Variants in MYL4 observed in about 807,000 individuals in gnomAD.
MYL4 encodes myosin light chain 4, also known as atrial myosin light chain 1.
In MYL4, 16 loss-of-function variants were observed where a neutral mutation model predicts 21.6. That is an observed-to-expected ratio of 0.74 (90% CI 0.50 to 1.12). The LOEUF (loss-of-function observed/expected upper bound fraction) is 1.12. MYL4 is among the 50% of genes most tolerant of loss of function. MYL4 has a pLI of 0.00. For synonymous variants in MYL4, 82 were observed against 95.7 expected, an observed-to-expected ratio of 0.86 and a Z score of 0.83; for missense variants, 249 against 252.9, an observed-to-expected ratio of 0.98 and a Z score of 0.11.
At chr17:47,225,161 G>T (rs1338148358), downstream of MYL4, among the ~76,000 whole-genome samples, 1 of 152,170 alleles carries the variant, frequency 6.6e-6, no homozygotes, top group Non-Finnish European at 1.5e-5. Flanking sequence ...AGCCAAGGCT[G>T]CCTGCCTGTC....
At chr17:47,194,385 T>A in the MYL4 span, among the ~76,000 whole-genome samples, 1 of 152,360 alleles carries the variant, frequency 6.6e-6, no homozygotes, top group East Asian at 1.9e-4. Flanking sequence ...ATCTTTCACA[T>A]GGAGTTTTAT....
In MYL4 at chr17:47,223,322, G is replaced by A. The variant is rs557956102; in HGVS notation, c.*16-187G>A. ...GCAATGCCCTTCCCTCAGGCCTGGG[G>A]CCTCCTGTACAGGCTCCTGGGAGTG... is the stretch of plus-strand genomic sequence containing the variant. On this transcript the variant is annotated intron_variant, in intron 6 of 6. Coordinates refer to ENST00000393450, the MANE Select transcript of MYL4 (RefSeq NM_002476.2). 1.9e-5 allele frequency: 9 copies of A among 473,980 alleles called. No homozygotes were observed. The East Asian group carries it at 2.8e-4, about 15-fold the overall frequency. 29.4% of individuals were successfully genotyped at this position (473,980 alleles called of 1,614,324 possible).
rs375241929 is a variant in MYL4, at chr17:47,221,774, G to A, written c.406G>A (p.Val136Met). The change falls in exon 4 of 7, where the codon GTG becomes ATG. Residue 136 changes from valine to methionine, a missense_variant. Val to Met is a conservative substitution (Grantham distance 21). Transcript: ENST00000393450. ...NKEQGTYEDF[V>M]EGLRVFDKES... is the part of the protein sequence containing the mutation. The stretch of plus-strand genomic sequence containing the variant: ...GGAGCAGGGCACCTATGAGGACTTC[G>A]TGGAGGGCCTGCGTGTCTTTGACAA... 3.0e-5 allele frequency: 48 copies of A among 1,614,066 alleles called. No individual in the cohort carries two copies. Among genetic ancestry groups the A allele is most frequent in the African/African-American group, 2.4e-4 (18 of 74,938 alleles).
chr17:47,224,292 G>A (rs572941135), downstream of MYL4, among the ~76,000 whole-genome samples: 19 of 152,238 alleles, frequency 1.2e-4, no homozygotes, highest in Admixed American at 2.6e-4. Context: ...CATGGATGGC[G>A]GCAGGCAAAG....
chr17:47,214,533 C>T (rs1329402047), intron 2 of MYL4, among the ~76,000 whole-genome samples: 2 of 152,100 alleles, frequency 1.3e-5, no homozygotes, highest in East Asian at 1.9e-4. Context: ...ATCACCTAAT[C>T]CAACCCCCTC....
rs1284256862 is a variant in MYL4, at chr17:47,218,249, A to T, written c.164-1655A>T. Among the ~76,000 whole-genome samples the T allele has an allele frequency of 3.9e-5, 6 of 152,178 alleles. No homozygotes were observed. In the East Asian group the frequency reaches 1.2e-3, roughly 29 times the overall value. ...AAGCCGAAGAAAGAGTTGGAAGTAA[A>T]GGTCTGGGGAATCTTCTGTGATATG... On this transcript the variant is annotated intron_variant, in intron 2 of 6. Transcript: ENST00000393450.
intron 2 of MYL4, 92 bp downstream of exon 2, chr17:47,213,918 T>G: frequency 7.1e-7 from 1 of 1,408,282 alleles, no homozygotes; most frequent in Non-Finnish European, 1.0e-6. Context: ...GTTGTCCTCA[T>G]GGTAATAGTA....
Position 47,217,273 on chromosome 17 carries a change from G to A in MYL4, c.164-2631G>A, listed in dbSNP as rs367982399. Among the ~76,000 whole-genome samples the A allele has an allele frequency of 3.3e-5, 5 of 151,804 alleles. No individual in the cohort carries two copies. In the East Asian group the frequency reaches 7.8e-4, roughly 24 times the overall value. ...TGAGTTGGAGACCAGCCTGGCCAAC[G>A]TGGTGAAACCCCACCTCTACCAAGA... On this transcript the variant is annotated intron_variant, in intron 2 of 6. Transcript: ENST00000393450.
chr17:47,199,838 C>T (rs967164915), upstream of MYL4, among the ~76,000 whole-genome samples: 4 of 148,594 alleles, frequency 2.7e-5, no homozygotes, highest in Admixed American at 2.7e-4. Flanking sequence ...TGGGTTCAAC[C>T]GATCCTCCCA....
intron 2 of MYL4, among the ~76,000 whole-genome samples, chr17:47,218,690 G>A (rs533315661): frequency 6.6e-6 from 1 of 152,328 alleles, no homozygotes; most frequent in South Asian, 2.1e-4. Flanking sequence ...CGGAGGCTGA[G>A]GCACAGGAAT....
At chr17:47,213,861 T>C (rs752613718) in intron 2 of MYL4, 35 bp downstream of exon 2, 8 of 1,609,236 alleles carry the variant, frequency 5.0e-6, no homozygotes, top group Non-Finnish European at 6.8e-6. Flanking sequence ...CCGTCTCTAT[T>C]GCACTTTCCT....
upstream of MYL4, among the ~76,000 whole-genome samples, chr17:47,196,775 AT>A (rs1955836572): frequency 1.3e-5 from 2 of 152,180 alleles, no homozygotes; most frequent in South Asian, 2.1e-4. Context: ...TTTTAATCGT[AT>A]TTGTTTAATA....
the MYL4 span, among the ~76,000 whole-genome samples, chr17:47,192,522 A>G: frequency 4.4e-3 from 637 of 143,446 alleles, 5 homozygotes; most frequent in African/African-American, 0.016. Context: ...GGTGGTGGGC[A>G]CCTGTGGTCC....
intron 1 of MYL4, among the ~76,000 whole-genome samples, chr17:47,210,227 C>A: frequency 6.6e-6 from 1 of 152,302 alleles, no homozygotes. Context: ...TCTCTCCAAC[C>A]GGGTCAGGAA....
upstream of MYL4, among the ~76,000 whole-genome samples, chr17:47,197,321 A>G (rs570232989): frequency 9.2e-5 from 14 of 152,132 alleles, no homozygotes; most frequent in Admixed American, 7.9e-4. Flanking sequence ...GATGGTCTCG[A>G]TCTCCTGACT....
At chr17:47,223,789 T>C (rs964876486), downstream of MYL4, 2 of 152,224 alleles carry the variant, frequency 1.3e-5, no homozygotes, top group Non-Finnish European at 2.9e-5. Context: ...AGGCCTCATG[T>C]GTGCTCAGAG....
chr17:47,199,737 C>CTTTTT (rs33975035), upstream of MYL4, among the ~76,000 whole-genome samples: 19 of 101,280 alleles, frequency 1.9e-4, no homozygotes, highest in South Asian at 3.9e-4. Flanking sequence ...GTAGTAAAGT[C>CTTTTT]TTTTTTTTTT....
intron 2 of MYL4, 146 bp from the exon 3 acceptor site, chr17:47,219,758 A>C: frequency 1.0e-6 from 1 of 978,744 alleles, no homozygotes; most frequent in Non-Finnish European, 1.5e-6. Flanking sequence ...GGTTCGAGGG[A>C]CGGCCTGGGA....
chr17:47,220,863 C>T (rs140616829), intron 3 of MYL4, among the ~76,000 whole-genome samples: 98 of 152,248 alleles, frequency 6.4e-4, no homozygotes, highest in African/African-American at 2.3e-3. Flanking sequence ...GTGAGCCTCT[C>T]AGCAAGGGTG....
Sources: allele counts gnomAD v4.1 joint callset (sites outside exome capture counted in the v4.1 genomes callset), GRCh38; gene constraint gnomAD v4.1.1; transcripts MANE v1.5; gene names NCBI Gene and HGNC (gene_info 2026-07-23, HGNC 2026-07-21).